The following PJA2 variants were observed in gnomAD, a reference collection of about 807,000 sequenced individuals.
PJA2 encodes E3 ubiquitin-protein ligase Praja-2.
PJA2 carries 25 observed loss-of-function variants against 69.3 expected under a neutral mutation model. The ratio of observed to expected loss-of-function variants is 0.36; its 90% CI spans 0.26 to 0.50. PJA2 has a LOEUF of 0.50. Among genes scored for constraint, PJA2 ranks in the 20% least tolerant of loss-of-function variants. PJA2 has a pLI of 0.96. For synonymous variants in PJA2, 308 were observed against 277.8 expected, an observed-to-expected ratio of 1.11 and a Z score of -1.08; for missense variants, 809 against 830.2, an observed-to-expected ratio of 0.97 and a Z score of 0.31.
intron 1 of PJA2, among the ~76,000 whole-genome samples, chr5:109,390,186 G>A: frequency 6.6e-6 from 1 of 151,912 alleles, no homozygotes; most frequent in East Asian, 1.9e-4. Context: ...TACTTTGAAT[G>A]TATTTAAAAT....
intron 9 of PJA2, among the ~76,000 whole-genome samples, chr5:109,341,393 C>A (rs1279076094): frequency 9.7e-5 from 14 of 144,652 alleles, no homozygotes; most frequent in African/African-American, 3.6e-4. Context: ...GTGAGGAGAC[C>A]CTCTGCCGGG....
chr5:109,399,959 T>C (rs1354611927), intron 1 of PJA2, among the ~76,000 whole-genome samples: 2 of 152,042 alleles, frequency 1.3e-5, no homozygotes, highest in African/African-American at 4.8e-5. Flanking sequence ...TTCTATGGGC[T>C]CATTAAAAAA....
chr5:109,342,601 G>A (rs1762094182), intron 9 of PJA2, among the ~76,000 whole-genome samples: 1 of 95,190 alleles, frequency 1.1e-5, no homozygotes, highest in African/African-American at 4.5e-5. Flanking sequence ...GCCCCTACTG[G>A]GAAGTGAGGA....
At chr5:109,348,079 G>A (rs1361253665) in intron 7 of PJA2, among the ~76,000 whole-genome samples, 1 of 152,096 alleles carries the variant, frequency 6.6e-6, no homozygotes, top group East Asian at 1.9e-4. Context: ...AGTCTGTAGT[G>A]GCATCACAAT....
At chr5:109,400,527 A>G (rs1005219964) in intron 1 of PJA2, among the ~76,000 whole-genome samples, 14 of 151,966 alleles carry the variant, frequency 9.2e-5, no homozygotes, top group African/African-American at 3.4e-4. Context: ...CAGTGGAAAC[A>G]TTAGAAGAGA....
At chr5:109,340,807 C>G (rs1166534420) in intron 9 of PJA2, among the ~76,000 whole-genome samples, 1 of 105,006 alleles carries the variant, frequency 9.5e-6, no homozygotes, top group Non-Finnish European at 2.3e-5. Flanking sequence ...CGCGCCGCCA[C>G]ACCTGACTGG....
At chr5:109,361,598 A>C (rs1264855068) in intron 6 of PJA2, among the ~76,000 whole-genome samples, 1 of 152,216 alleles carries the variant, frequency 6.6e-6, no homozygotes, top group Admixed American at 6.5e-5. Flanking sequence ...GAGTGCAGTA[A>C]AAAGGTAATG....
chr5:109,365,132 G>GT (rs767922454), intron 5 of PJA2, among the ~76,000 whole-genome samples: 4 of 152,148 alleles, frequency 2.6e-5, no homozygotes, highest in Non-Finnish European at 5.9e-5. Context: ...TCGGCTTCCA[G>GT]TTATTTCTCC....
intron 4 of PJA2, among the ~76,000 whole-genome samples, chr5:109,376,629 C>T (rs148052636): frequency 1.3e-5 from 2 of 151,762 alleles, no homozygotes; most frequent in Admixed American, 1.3e-4. Flanking sequence ...AAAAGTGTAA[C>T]TGGGGGAAAA....
At chr5:109,344,456 A>G in intron 8 of PJA2, 145 bp from the exon 9 acceptor site, 2 of 885,426 alleles carry the variant, frequency 2.3e-6, no homozygotes, top group Non-Finnish European at 3.3e-6. Context: ...TTTCTGTCTA[A>G]TACTTGGCAA....
chr5:109,403,123 A>G (rs1747599314), intron 1 of PJA2, among the ~76,000 whole-genome samples: 1 of 152,166 alleles, frequency 6.6e-6, no homozygotes, highest in Non-Finnish European at 1.5e-5. Context: ...CTAGAACCAA[A>G]TAAAAATGAG....
At chr5:109,343,289 A>AAAAG (rs1159225513) in intron 9 of PJA2, among the ~76,000 whole-genome samples, 82 of 59,658 alleles carry the variant, frequency 1.4e-3, no homozygotes, top group Non-Finnish European at 2.2e-3. Flanking sequence ...AAAAAAAAAA[A>AAAAG]AAAGAAAGAA....
intron 1 of PJA2, among the ~76,000 whole-genome samples, chr5:109,392,988 G>T (rs1380553910): frequency 2.0e-5 from 3 of 151,900 alleles, no homozygotes; most frequent in African/African-American, 7.3e-5. Context: ...CCTAAATAAG[G>T]GGCCAATGAA....
intron 9 of PJA2, among the ~76,000 whole-genome samples, chr5:109,343,980 C>T (rs571389509): frequency 1.6e-3 from 238 of 151,602 alleles, no homozygotes; most frequent in African/African-American, 5.6e-3. Flanking sequence ...GCCTGTAATC[C>T]CAGCTACTTG....
intron 9 of PJA2, among the ~76,000 whole-genome samples, chr5:109,342,442 G>C (rs867032443): frequency 0.037 from 2,948 of 79,370 alleles, no homozygotes; most frequent in East Asian, 0.071. Context: ...TCGGCCCCCC[G>C]CCCGGCCAGC....
In PJA2 at chr5:109,363,010, G is replaced by C; in HGVS notation, c.1482C>G (p.Ser494=). Reference sequence around the variant, plus strand: ...ACCAAGGAATTTCTCCCTCTTCCAAGGATGTCTGTTCCCTAGTACAAACAT... The same window carrying C: ...ACCAAGGAATTTCTCCCTCTTCCAACGATGTCTGTTCCCTAGTACAAACAT... ...ELSLQEGEQT[S]LEEGEIPWLQ... is the part of the protein sequence containing the mutation. Residue 494 remains serine (S), a synonymous_variant, in exon 6 of 10, where the codon TCC becomes TCG. Transcript: ENST00000361189. 1 of 1,595,332 alleles carries C rather than the reference G, an allele frequency of 6.3e-7. No homozygotes were observed. Among genetic ancestry groups the C allele is most frequent in the Non-Finnish European group, 8.6e-7 (1 of 1,166,582 alleles).
In PJA2 at chr5:109,362,869, A is replaced by G; in HGVS notation, c.1623T>C (p.Ser541=). ...DGNNNLEDDS[S]VSEDLDVDWS... is the part of the protein sequence containing the mutation. ...AATCCACATCTAAGTCTTCACTCAC[A>G]CTGGAGTCATCCTCCAGGTTATTGT... The change falls in exon 6 of 10, where the codon AGT becomes AGC. Residue 541 remains serine, a synonymous_variant. Transcript: ENST00000361189. 6.2e-7 allele frequency: 1 copy of G among 1,612,526 alleles called. No individual in the cohort carries two copies. The highest frequency in any genetic ancestry group is 8.5e-7 in the Non-Finnish European group (1 of 1,178,930).
At chr5:109,382,264 A>G (rs1419557212) in intron 2 of PJA2, among the ~76,000 whole-genome samples, 3 of 152,212 alleles carry the variant, frequency 2.0e-5, no homozygotes, top group African/African-American at 7.2e-5. Context: ...AAACTATCCA[A>G]AAGAAAACAG....
chr5:109,403,604 TAC>T (rs1747612612), intron 1 of PJA2, among the ~76,000 whole-genome samples: 1 of 150,674 alleles, frequency 6.6e-6, no homozygotes, highest in African/African-American at 2.4e-5. Flanking sequence ...TAGTAGATAA[TAC>T]ACCATCACCA....
Sources: allele counts gnomAD v4.1 joint callset (sites outside exome capture counted in the v4.1 genomes callset), GRCh38; gene constraint gnomAD v4.1.1; transcripts MANE v1.5; gene names NCBI Gene and HGNC (gene_info 2026-07-23, HGNC 2026-07-21).